The following COL4A4 variants were observed in gnomAD, a reference collection of about 807,000 sequenced individuals.
COL4A4 encodes the protein collagen type IV alpha 4 chain, also known as collagen alpha-4(IV) chain.
COL4A4 carries 105 observed loss-of-function variants against 192.9 expected under a neutral mutation model. That is an observed-to-expected ratio of 0.54 (90% CI 0.46 to 0.64). COL4A4 has a LOEUF of 0.64. COL4A4 is among the 30% of genes least tolerant of loss of function. The probability of loss-of-function intolerance (pLI) is 0.00; values close to 1 mark genes in which losing one functional copy is unlikely to be tolerated. For missense variants in COL4A4, 1,967 were observed against 2,169.3 expected (o/e 0.91, Z 1.85); for synonymous variants, 762 against 769.9 (o/e 0.99, Z 0.17).
chr2:227,079,869 G>A (rs544541136), intron 24 of COL4A4, among the ~76,000 whole-genome samples: 3 of 152,148 alleles, frequency 2.0e-5, no homozygotes, highest in South Asian at 2.1e-4. Context: ...CCTAAGCATC[G>A]GATCATCTCA....
intron 4 of COL4A4, among the ~76,000 whole-genome samples, chr2:227,134,093 T>A (rs1384606433): frequency 6.6e-6 from 1 of 152,104 alleles, no homozygotes; most frequent in Non-Finnish European, 1.5e-5. Context: ...GGGCTGAATT[T>A]TACTGGGGAG....
At chr2:227,142,233 G>A (rs2063266741) in intron 3 of COL4A4, among the ~76,000 whole-genome samples, 1 of 151,954 alleles carries the variant, frequency 6.6e-6, no homozygotes, top group South Asian at 2.1e-4. Flanking sequence ...ATATTTAAAA[G>A]AGGAGGGTGA....
chr2:227,148,691 T>C (rs2063712581), intron 1 of COL4A4, among the ~76,000 whole-genome samples: 1 of 152,106 alleles, frequency 6.6e-6, no homozygotes, highest in African/African-American at 2.4e-5. Flanking sequence ...TTTTAAAACT[T>C]GACTCGAAGA....
chr2:227,107,914 C>T lies in COL4A4; in HGVS notation c.735+667G>A, dbSNP rs769528912. ...CTGGGACTACAGGCACGCACCACCACGCCCAGCTAATTTTTGTATTTTTAG... is the reference window on the plus strand; with the variant it reads ...CTGGGACTACAGGCACGCACCACCATGCCCAGCTAATTTTTGTATTTTTAG... On this transcript the variant is annotated intron_variant, in intron 12 of 47. Transcript: ENST00000396625. 5.5e-4 allele frequency among the ~76,000 whole-genome samples: 83 copies of T among 152,078 alleles called. 1 individual carries two copies. Among genetic ancestry groups the T allele is most frequent in the Non-Finnish European group, 7.6e-4 (52 of 67,988 alleles).
At chr2:227,031,814 A>G in intron 40 of COL4A4, 131 bp downstream of exon 40, 1 of 745,518 alleles carries the variant, frequency 1.3e-6, no homozygotes, top group Non-Finnish European at 2.4e-6. Flanking sequence ...TGTCCCACTT[A>G]TCGACCTGCC....
At chr2:227,009,708 AAAGAGGAAAAG>A (rs1249888087) in intron 46 of COL4A4, among the ~76,000 whole-genome samples, 2 of 125,568 alleles carry the variant, frequency 1.6e-5, no homozygotes, top group African/African-American at 7.5e-5. Flanking sequence ...AAAAAAAAAA[AAAGAGGAAAAG>A]AGAAGAGAAG....
At chr2:227,120,084 C>T in intron 5 of COL4A4, 145 bp from the exon 6 acceptor site, 1 of 561,444 alleles carries the variant, frequency 1.8e-6, no homozygotes, top group Non-Finnish European at 2.9e-6. Context: ...AGTCTAAAAG[C>T]CAACATTTAA....
chr2:226,992,800 C>T, the COL4A4 span, among the ~76,000 whole-genome samples: 1 of 152,142 alleles, frequency 6.6e-6, no homozygotes, highest in South Asian at 2.1e-4. Flanking sequence ...GAACCGATGG[C>T]CACGTGGGGA....
intron 1 of COL4A4, among the ~76,000 whole-genome samples, chr2:227,159,186 G>A (rs1331509814): frequency 6.6e-6 from 1 of 152,220 alleles, no homozygotes; most frequent in Non-Finnish European, 1.5e-5. Context: ...ATATTGCTAT[G>A]CAGAGTCAGA....
intron 44 of COL4A4, among the ~76,000 whole-genome samples, chr2:227,015,470 G>A (rs1302671343): frequency 6.6e-6 from 1 of 152,142 alleles, no homozygotes; most frequent in African/African-American, 2.4e-5. Context: ...CAGGGATTCT[G>A]ATGGTTCATG....
At chr2:227,075,436 A>G (rs997484405) in intron 25 of COL4A4, among the ~76,000 whole-genome samples, 7 of 152,340 alleles carry the variant, frequency 4.6e-5, no homozygotes, top group African/African-American at 1.7e-4. Flanking sequence ...ATAAAATTCA[A>G]TATCTCTTCA....
chr2:227,092,947 A>C (rs1184365673), intron 20 of COL4A4, among the ~76,000 whole-genome samples: 2 of 152,218 alleles, frequency 1.3e-5, no homozygotes, highest in Non-Finnish European at 2.9e-5. Context: ...TATAGAGGCA[A>C]ATAACAAAAT....
In COL4A4 at chr2:227,084,297, T is replaced by C. The variant is rs75723434; in HGVS notation, c.1624-2110A>G. Among the ~76,000 whole-genome samples the C allele has an allele frequency of 1.5e-3, 227 of 152,284 alleles. 3 individuals carry two copies. The highest frequency in any genetic ancestry group is 6.8e-3 in the Middle Eastern group (2 of 294). Reference sequence around the variant, plus strand: ...AATAAATTATCAGGACAGAAAACTGTTCACATAGCATTTGGACAAATTTCT... The same window carrying C: ...AATAAATTATCAGGACAGAAAACTGCTCACATAGCATTTGGACAAATTTCT... On this transcript the variant is annotated intron_variant, in intron 22 of 47. Coordinates refer to ENST00000396625, the MANE Select transcript of COL4A4 (RefSeq NM_000092.5).
At chr2:227,118,569 T>G in intron 7 of COL4A4, 76 bp downstream of exon 7, 1 of 1,118,040 alleles carries the variant, frequency 8.9e-7, no homozygotes, top group South Asian at 1.2e-5. Context: ...CTCTGTTTCT[T>G]GAATACATCA....
rs377218255 is a variant in COL4A4, at chr2:227,065,618, G to C, written c.1988-3020C>G. ...TGGGAGGCACCCCCCAGCAGGGGCA[G>C]ACTGACACCTCACAGGGCCCAGTAC... On this transcript the variant is annotated intron_variant, in intron 25 of 47. Coordinates refer to ENST00000396625, the MANE Select transcript of COL4A4 (RefSeq NM_000092.5). 1.8e-3 allele frequency among the ~76,000 whole-genome samples: 266 copies of C among 151,716 alleles called. 1 individual carries two copies. Among genetic ancestry groups the C allele is most frequent in the East Asian group, 9.5e-3 (49 of 5,166 alleles).
chr2:227,060,677 C>A (rs1038337680), intron 26 of COL4A4, among the ~76,000 whole-genome samples: 1 of 151,844 alleles, frequency 6.6e-6, no homozygotes, highest in African/African-American at 2.4e-5. Context: ...ACTGAATTTG[C>A]CCTTAAATGA....
downstream of COL4A4, chr2:226,998,809 G>A (rs1015774249): frequency 6.6e-6 from 1 of 152,156 alleles, no homozygotes; most frequent in Non-Finnish European, 1.5e-5. Flanking sequence ...AAAGTCATTA[G>A]CCTCAACAGT....
chr2:226,981,278 A>T, the COL4A4 span, among the ~76,000 whole-genome samples: 2 of 152,128 alleles, frequency 1.3e-5, no homozygotes, highest in African/African-American at 4.8e-5. Flanking sequence ...TGCCGAGTTG[A>T]TGGGTGCAGC....
chr2:227,075,991 A>G (rs1445616373), intron 25 of COL4A4, among the ~76,000 whole-genome samples: 1 of 152,222 alleles, frequency 6.6e-6, no homozygotes, highest in Non-Finnish European at 1.5e-5. Flanking sequence ...AAGAGAGGAC[A>G]CAAACAAATG....
Sources: allele counts gnomAD v4.1 joint callset (sites outside exome capture counted in the v4.1 genomes callset), GRCh38; gene constraint gnomAD v4.1.1; transcripts MANE v1.5; gene names NCBI Gene and HGNC (gene_info 2026-07-23, HGNC 2026-07-21).